The following SPATA31C2 variants were observed in gnomAD, a reference collection of about 807,000 sequenced individuals.
SPATA31C2 encodes the protein SPATA31 subfamily C member 2.
A neutral mutation model predicts 11.4 loss-of-function variants in SPATA31C2; 5 were observed. The observed-to-expected ratio is 0.44, with a 90% CI of 0.23 to 0.92. The LOEUF is 0.92. Ranked by LOEUF, SPATA31C2 falls within the 40% of genes least tolerant of loss-of-function variation. The pLI is 0.24. For synonymous variants in SPATA31C2, 515 were observed against 538.7 expected, an observed-to-expected ratio of 0.96 and a Z score of 0.61; for missense variants, 1,353 against 1,368.6, an observed-to-expected ratio of 0.99 and a Z score of 0.18.
intron 1 of SPATA31C2, 51 bp from the exon 2 acceptor site, chr9:88,133,720 C>G (rs950811980): frequency 4.9e-6 from 7 of 1,414,816 alleles, no homozygotes; most frequent in Non-Finnish European, 5.6e-6. Flanking sequence ...CCTCTCTGCC[C>G]CCAGCCCAGC....
chr9:88,130,972 A>G lies in SPATA31C2; in HGVS notation c.2065T>C (p.Ser689Pro), dbSNP rs765165783. ...GCCCCAGATTCGCAGGTGTCTGAGG[A>G]GGGACCAGCAAGCTGTATAAGGGAC... ...SLSLIQLAGP[S>P]SDTCESGAGS... Residue 689 changes from serine (S) to proline (P), a missense_variant, in exon 4 of 4, where the codon TCC becomes CCC. Coordinates refer to ENST00000324915, the MANE Select transcript of SPATA31C2 (RefSeq NM_001350978.3). 1.5e-5 allele frequency: 24 copies of G among 1,612,682 alleles called. No individual in the cohort carries two copies. The African/African-American group carries it at 1.9e-4, about 13-fold the overall frequency.
rs761737687 is a variant in SPATA31C2, at chr9:88,130,916, A to G, written c.2121T>C (p.Leu707=). 1.4e-5 allele frequency: 22 copies of G among 1,613,628 alleles called. No individual in the cohort carries two copies. Among genetic ancestry groups the G allele is most frequent in the Non-Finnish European group, 1.8e-5 (21 of 1,179,884 alleles). ...AGSKVEVATF[L]GEPPMASLRK... is the part of the protein sequence containing the mutation. ...TCAGACTTGCCATTGGTGGCTCTCC[A>G]AGGAACGTGGCCACCTCAACTTTTG... Residue 707 remains leucine, a synonymous_variant, in exon 4 of 4, where the codon CTT becomes CTC. Coordinates refer to ENST00000324915, the MANE Select transcript of SPATA31C2 (RefSeq NM_001350978.3).
Position 88,132,092 on chromosome 9 carries a change from T to A in SPATA31C2, c.945A>T (p.Thr315=). 6.2e-7 allele frequency: 1 copy of A among 1,610,572 alleles called. No individual in the cohort carries two copies. The highest frequency in any genetic ancestry group is 8.5e-7 in the Non-Finnish European group (1 of 1,177,594). The change falls in exon 4 of 4, where the codon ACA becomes ACT. Residue 315 remains threonine (T), a synonymous_variant. Transcript: ENST00000324915. The stretch of plus-strand genomic sequence containing the variant: ...GGGCCTGGAAAAGCAGTGGGGACAT[T>A]GTAGTGTCCCTTTGGCGGGAAAGAT... ...QDHLSRQRDT[T]MSPLLFQAQP... is the part of the protein sequence containing the mutation.
rs1211306215 is a variant in SPATA31C2 at position 88,133,567 on chromosome 9, C to T, written c.265+27G>A. 3.8e-6 allele frequency: 6 copies of T among 1,575,148 alleles called. No individual in the cohort carries two copies. In the Admixed American group the frequency reaches 5.2e-5, roughly 14 times the overall value. On this transcript the variant is annotated intron_variant, in intron 2 of 3. Transcript: ENST00000324915. ...TCCCGGACAGATGAGATCAAATTAACTCTAGTGTGCCCTGGCAGAGCCTTA... is the reference window on the plus strand; with the variant it reads ...TCCCGGACAGATGAGATCAAATTAATTCTAGTGTGCCCTGGCAGAGCCTTA...
In SPATA31C2 at chr9:88,132,847, T is replaced by G; in HGVS notation, c.326+119A>C. 4 of 1,296,200 alleles carry G rather than the reference T, an allele frequency of 3.1e-6. 1 individual carries two copies. The South Asian group carries it at 5.8e-5, about 19-fold the overall frequency. The allele number at this position is 1,296,200 out of a possible 1,614,324, so 80.3% of individuals were successfully genotyped here. A position where few individuals can be genotyped will look rare whatever the true frequency, so the allele number is the denominator to read the frequency against. The stretch of plus-strand genomic sequence containing the variant: ...TCCTGCTACCCCTCGCCCCAGGGCT[T>G]TACTCCCATCCTCTGTCCCCCTGGT... On this transcript the variant is annotated intron_variant, in intron 3 of 3. Coordinates refer to ENST00000324915, the MANE Select transcript of SPATA31C2 (RefSeq NM_001350978.3).
In SPATA31C2 at chr9:88,131,828, C is replaced by A. The variant is rs1163019568; in HGVS notation, c.1209G>T (p.Lys403Asn). 2.5e-6 allele frequency: 4 copies of A among 1,611,522 alleles called. No homozygotes were observed. The highest frequency in any genetic ancestry group is 3.4e-6 in the Non-Finnish European group (4 of 1,179,526). Reference sequence around the variant, plus strand: ...AAGCCAACCCACCTTCTAGTTGTTTCTTCAACAAAGGCCTTTCAGGGTGCT... The same window carrying A: ...AAGCCAACCCACCTTCTAGTTGTTTATTCAACAAAGGCCTTTCAGGGTGCT... ...ETQHPERPLL[K>N]KQLEGGLALP... is the part of the protein sequence containing the mutation. Residue 403 changes from lysine to asparagine, a missense_variant, in exon 4 of 4, where the codon AAG (lysine) becomes AAT (asparagine). Around this residue, in one of 6 missense-constraint regions of SPATA31C2, gnomAD observed 1,075 missense variants for 992.8 expected, o/e 1.08. Transcript: ENST00000324915.
In SPATA31C2 at chr9:88,131,664, C is replaced by T. The variant is rs1467080083; in HGVS notation, c.1373G>A (p.Gly458Glu). 11 of 1,611,834 alleles carry T rather than the reference C, an allele frequency of 6.8e-6. No homozygotes were observed. Among genetic ancestry groups the T allele is most frequent in the South Asian group, 2.2e-5 (2 of 90,996 alleles). ...ELWRQLEQHMGQRGRIQESLD... is the reference protein window; with the variant it reads ...ELWRQLEQHMEQRGRIQESLD... ...AGACTCTTGGATCCTTCCACGTTGC[C>T]CCATGTGTTGCTCCAGTTGTCTCCA... is the stretch of plus-strand genomic sequence containing the variant. Residue 458 changes from glycine (G) to glutamate (E), a missense_variant, in exon 4 of 4, where the codon GGG (glycine) becomes GAG (glutamate). Transcript: ENST00000324915.
chr9:88,137,324 A>AT (rs767006110), intron 1 of SPATA31C2, among the ~76,000 whole-genome samples: 2 of 136,432 alleles, frequency 1.5e-5, no homozygotes, highest in Non-Finnish European at 3.1e-5. Flanking sequence ...TCATGTCTTT[A>AT]TTAAAAAAAA....
rs769751266 is a variant in SPATA31C2 at position 88,131,727 on chromosome 9, G to C, written c.1310C>G (p.Ser437Cys). ...TPNLPQERLT[S>C]ILPENFPVSP... is the part of the protein sequence containing the mutation. ...GACTGGAAAGTTCTCAGGCAGAATG[G>C]ATGTCAGTCTTTCCTGGGGAAGGTT... Residue 437 changes from serine to cysteine, a missense_variant, in exon 4 of 4, where the codon TCC becomes TGC. Ser to Cys is a moderately radical substitution (Grantham distance 112). Coordinates refer to ENST00000324915, the MANE Select transcript of SPATA31C2 (RefSeq NM_001350978.3). The C allele has an allele frequency of 3.5e-5, 57 of 1,611,830 alleles. No individual in the cohort carries two copies. Among genetic ancestry groups the C allele is most frequent in the Non-Finnish European group, 4.4e-5 (52 of 1,179,832 alleles).
rs562347392 is a variant in SPATA31C2, at chr9:88,133,539, C to T, written c.265+55G>A. On this transcript the variant is annotated intron_variant, in intron 2 of 3. Transcript: ENST00000324915. ...TCAACTGACTTCTTCAGAGTCAGTTCCCTCCCGGACAGATGAGATCAAATT... is the reference window on the plus strand; with the variant it reads ...TCAACTGACTTCTTCAGAGTCAGTTTCCTCCCGGACAGATGAGATCAAATT... 1.7e-4 allele frequency: 266 copies of T among 1,563,144 alleles called. No homozygotes were observed. In the African/African-American group the frequency reaches 3.4e-3, roughly 20 times the overall value.
Position 88,132,523 on chromosome 9 carries a change from C to T in SPATA31C2, c.514G>A (p.Ala172Thr). The change falls in exon 4 of 4, where the codon GCC becomes ACC. Residue 172 changes from alanine to threonine, a missense_variant. Physicochemically the swap from Ala to Thr is moderately conservative, Grantham distance 58. This residue lies in a region of SPATA31C2 where 1,075 missense variants were observed against 992.8 expected (regional missense o/e 1.08). Transcript: ENST00000324915. ...ATTGGGCCTGGTGGTGGGGTGGAGG[C>T]CAGATCCTGAGGATGCTTGGTTCGA... ...DPRTKHPQDLASTPPPGPMTT... is the reference protein window; with the variant it reads ...DPRTKHPQDLTSTPPPGPMTT... 1 of 1,610,662 alleles carries T rather than the reference C, an allele frequency of 6.2e-7. No homozygotes were observed. Among genetic ancestry groups the T allele is most frequent in the South Asian group, 1.1e-5 (1 of 91,002 alleles).
rs1825591718 is a variant in SPATA31C2, at chr9:88,131,403, T to G, written c.1634A>C (p.Glu545Ala). The G allele has an allele frequency of 6.2e-7, 1 of 1,611,998 alleles. No homozygotes were observed. The highest frequency in any genetic ancestry group is 1.3e-5 in the African/African-American group (1 of 74,970). Reference sequence around the variant, plus strand: ...CTTCCTCAGGTTCCTTTCCGACTCCTCAGAGGTCGCCCCCAGAACCTTCCC... The same window carrying G: ...CTTCCTCAGGTTCCTTTCCGACTCCGCAGAGGTCGCCCCCAGAACCTTCCC... ...FPGKVLGATS[E>A]ESERNLRKPL... Residue 545 changes from glutamate to alanine, a missense_variant, in exon 4 of 4, where the codon GAG becomes GCG. Glu to Ala is a moderately radical substitution (Grantham distance 107). This residue lies in a region of SPATA31C2 where 1,075 missense variants were observed against 992.8 expected (regional missense o/e 1.08). Coordinates refer to ENST00000324915, the MANE Select transcript of SPATA31C2 (RefSeq NM_001350978.3).
chr9:88,129,644 G>T lies in SPATA31C2; in HGVS notation c.3393C>A (p.Ile1131=). 1 of 1,603,188 alleles carries T rather than the reference G, an allele frequency of 6.2e-7. No individual in the cohort carries two copies. Among genetic ancestry groups the T allele is most frequent in the Non-Finnish European group, 8.5e-7 (1 of 1,172,972 alleles). The change falls in exon 4 of 4, where the codon ATC becomes ATA. Residue 1131 remains isoleucine (I), a synonymous_variant. Coordinates refer to ENST00000324915, the MANE Select transcript of SPATA31C2 (RefSeq NM_001350978.3). Reference sequence around the variant, plus strand: ...CACTTTTCAAGGGCTACTGATCTCTGATTTGTCTGTCTCTGTTGGGACGAC... The same window carrying T: ...CACTTTTCAAGGGCTACTGATCTCTTATTTGTCTGTCTCTGTTGGGACGAC... ...NQSRPNRDRQ[I]RDQ
rs772978045 is a variant in SPATA31C2, at chr9:88,132,749, G to C, written c.327-39C>G. ...GAGGCACAAGCTGCAGCCAGGAGCA[G>C]ATGGGTTCGGAGGGCAGAGTGGGCG... On this transcript the variant is annotated intron_variant, in intron 3 of 3. Coordinates refer to ENST00000324915, the MANE Select transcript of SPATA31C2 (RefSeq NM_001350978.3). 3.8e-6 allele frequency: 6 copies of C among 1,578,294 alleles called. No individual in the cohort carries two copies. In the East Asian group the frequency reaches 6.8e-5, roughly 18 times the overall value.
Position 88,130,850 on chromosome 9 carries a change from C to T in SPATA31C2, c.2187G>A (p.Glu729=). 3.1e-6 allele frequency: 5 copies of T among 1,613,584 alleles called. No individual in the cohort carries two copies. The highest frequency in any genetic ancestry group is 4.2e-6 in the Non-Finnish European group (5 of 1,179,878). The part of the protein sequence containing the change: ...VLTKPSVHMP[E]RLQASSPACK... ...ATGCAGGTGAGGAGGCCTGAAGCCTCTCTGGCATGTGAACAGATGGTTTGG... is the reference window on the plus strand; with the variant it reads ...ATGCAGGTGAGGAGGCCTGAAGCCTTTCTGGCATGTGAACAGATGGTTTGG... Residue 729 remains glutamate, a synonymous_variant, in exon 4 of 4, where the codon GAG becomes GAA. Transcript: ENST00000324915.
chr9:88,130,525 G>A lies in SPATA31C2; in HGVS notation c.2512C>T (p.Pro838Ser), dbSNP rs1294421555. 8.7e-6 allele frequency: 14 copies of A among 1,613,342 alleles called. No homozygotes were observed. The East Asian group carries it at 2.7e-4, about 31-fold the overall frequency. The change falls in exon 4 of 4, where the codon CCT becomes TCT. Residue 838 changes from proline to serine, a missense_variant. Pro to Ser is a moderately conservative substitution (Grantham distance 74, BLOSUM62 -1). Around this residue, in one of 6 missense-constraint regions of SPATA31C2, gnomAD observed 1,075 missense variants for 992.8 expected, o/e 1.08. Transcript: ENST00000324915. ...GGGTCTTGGGAGACAGACATTCTAG[G>A]GAGTAGAGAGCTTTTGCTGGCGCCT... is the stretch of plus-strand genomic sequence containing the variant. ...APGASKSSLL[P>S]RMSVSQDPRK...
intron 1 of SPATA31C2, among the ~76,000 whole-genome samples, 174 bp from the exon 2 acceptor site, chr9:88,133,843 G>C (rs531905935): frequency 1.3e-5 from 2 of 152,242 alleles, no homozygotes; most frequent in Non-Finnish European, 2.9e-5. Context: ...GCTTTTCTTA[G>C]AAAAACAGGA....
At chr9:88,136,676 C>CTTT (rs1171417608) in intron 1 of SPATA31C2, among the ~76,000 whole-genome samples, 3 of 137,938 alleles carry the variant, frequency 2.2e-5, no homozygotes, top group African/African-American at 5.5e-5. Context: ...GAGATGTGAT[C>CTTT]TTTTTTTTTT....
In SPATA31C2 at chr9:88,132,134, C is replaced by T. The variant is rs779421542; in HGVS notation, c.903G>A (p.Ser301=). 17 of 1,610,442 alleles carry T rather than the reference C, an allele frequency of 1.1e-5. No individual in the cohort carries two copies. The highest frequency in any genetic ancestry group is 2.2e-5 in the South Asian group (2 of 91,034). The change falls in exon 4 of 4, where the codon TCG becomes TCA. Residue 301 remains serine (S), a synonymous_variant. Coordinates refer to ENST00000324915, the MANE Select transcript of SPATA31C2 (RefSeq NM_001350978.3). The part of the protein sequence containing the change: ...ETTKTWCVFN[S]SVQQDHLSRQ... ...GGGAAAGATGATCTTGCTGGACTGA[C>T]GAGTTGAAGACGCACCAGGTTTTGG...
Sources: gnomAD v4.1 joint callset for allele counts (sites outside exome capture counted in the v4.1 genomes callset) on GRCh38, gnomAD v4.1.1 for gene constraint, gnomAD v4.1.1 regional missense constraint, MANE v1.5 for transcripts, NCBI Gene and HGNC (gene_info 2026-07-23, HGNC 2026-07-21) for gene names.